Variants in PSMG2 observed in about 807,000 individuals in gnomAD.
The protein encoded by PSMG2 is CD40 ligand-activated specific transcript 3.
PSMG2 carries 21 observed loss-of-function variants against 31.5 expected under a neutral mutation model. That is an observed-to-expected ratio of 0.67 (90% CI 0.47 to 0.96). The LOEUF is 0.96. Ranked by LOEUF, PSMG2 falls within the 40% of genes least tolerant of loss-of-function variation. The pLI is 0.00. For missense variants in PSMG2, 318 were observed against 321.2 expected, an observed-to-expected ratio of 0.99 and a Z score of 0.08; for synonymous variants, 120 against 110.4, an observed-to-expected ratio of 1.09 and a Z score of -0.54.
intron 1 of PSMG2, among the ~76,000 whole-genome samples, chr18:12,661,024 C>G (rs543329854): frequency 2.6e-5 from 4 of 152,102 alleles, no homozygotes; most frequent in Non-Finnish European, 5.9e-5. Context: ...TTTTGATAAG[C>G]TGGCCAGGCA....
intron 2 of PSMG2, among the ~76,000 whole-genome samples, chr18:12,709,074 C>G (rs1437174194): frequency 7.0e-6 from 1 of 142,394 alleles, no homozygotes; most frequent in South Asian, 2.2e-4. Flanking sequence ...TTGAGACAGT[C>G]TCGCCCTGTT....
chr18:12,662,016 T>C, intron 1 of PSMG2: 1 of 262,154 alleles, frequency 3.8e-6, no homozygotes, highest in Non-Finnish European at 7.9e-6. Flanking sequence ...TTTTTTATAT[T>C]TACTTCTTAT....
intron 1 of PSMG2, chr18:12,678,999 G>A (rs1411614123): frequency 4.6e-5 from 7 of 152,002 alleles, no homozygotes; most frequent in African/African-American, 1.7e-4. Flanking sequence ...AAAATAATTT[G>A]GTTATGCATT....
intron 5 of PSMG2, among the ~76,000 whole-genome samples, chr18:12,721,921 G>A (rs569842376): frequency 2.0e-5 from 3 of 151,994 alleles, no homozygotes; most frequent in Non-Finnish European, 2.9e-5. Flanking sequence ...TTGACATGTC[G>A]TGTTTTCATT....
At chr18:12,668,732 TC>T (rs1368094031) in intron 1 of PSMG2, among the ~76,000 whole-genome samples, 3 of 138,028 alleles carry the variant, frequency 2.2e-5, no homozygotes, top group Non-Finnish European at 4.7e-5. Context: ...TACACTTTAT[TC>T]CTTTTTTTTT....
Position 12,725,424 on chromosome 18 carries a change from G to T in PSMG2, c.703-15G>T. ...TAAAGTTTAAAGATTAAAATATTTT[G>T]TTCTTCAATTACAGAGCGATGACCC... is the stretch of plus-strand genomic sequence containing the variant. On this transcript the variant is annotated splice_polypyrimidine_tract_variant and intron_variant, in intron 6 of 6. Transcript: ENST00000317615. 1 of 1,523,908 alleles carries T rather than the reference G, an allele frequency of 6.6e-7. No individual in the cohort carries two copies. The highest frequency in any genetic ancestry group is 1.2e-5 in the South Asian group (1 of 86,576). 94.4% of individuals were successfully genotyped at this position (1,523,908 alleles called of 1,614,324 possible).
At chr18:12,698,852 G>C, upstream of PSMG2, 1 of 674,942 alleles carries the variant, frequency 1.5e-6, no homozygotes, top group East Asian at 2.7e-5. Context: ...GAAAAGAGCA[G>C]TGGGAAACAA....
upstream of PSMG2, chr18:12,702,723 T>C (rs977581674): frequency 8.0e-5 from 54 of 677,200 alleles, no homozygotes; most frequent in Non-Finnish European, 1.1e-4. Context: ...GACCTGGAAA[T>C]GAGGCCCCGG....
intron 1 of PSMG2, among the ~76,000 whole-genome samples, chr18:12,667,373 G>A (rs2038823706): frequency 6.6e-6 from 1 of 151,068 alleles, no homozygotes; most frequent in South Asian, 2.1e-4. Context: ...CAGAGGATCC[G>A]TTGAGCCCAG....
At chr18:12,695,475 T>G (rs1452760818) in intron 1 of PSMG2, 5 of 475,988 alleles carry the variant, frequency 1.1e-5, no homozygotes, top group Non-Finnish European at 1.9e-5. Context: ...AAAGATAACA[T>G]TCAACATTAC....
intron 1 of PSMG2, among the ~76,000 whole-genome samples, chr18:12,706,101 G>T (rs1568039827): frequency 6.6e-6 from 1 of 152,228 alleles, no homozygotes; most frequent in East Asian, 1.9e-4. Context: ...TGTAGTTAAT[G>T]AAAATCAATA....
At chr18:12,699,773 ACAC>A (rs1555647983), upstream of PSMG2, 77 of 978,560 alleles carry the variant, frequency 7.9e-5, no homozygotes, top group East Asian at 1.9e-3. Flanking sequence ...ACGAAAGACT[ACAC>A]CACATCAATA....
chr18:12,699,635 T>C (rs1384017486), upstream of PSMG2, among the ~76,000 whole-genome samples: 1 of 152,184 alleles, frequency 6.6e-6, no homozygotes, highest in Non-Finnish European at 1.5e-5. Flanking sequence ...GTGATGCTGT[T>C]TTTGCTTCTA....
At chr18:12,702,409 T>G, upstream of PSMG2, 1 of 1,134,236 alleles carries the variant, frequency 8.8e-7, no homozygotes, top group Non-Finnish European at 1.3e-6. Context: ...GATGCCGCTG[T>G]CGGCCCGGGG....
chr18:12,702,476 C>T (rs112880883), upstream of PSMG2: 8 of 1,601,578 alleles, frequency 5.0e-6, no homozygotes, highest in African/African-American at 2.7e-5. Flanking sequence ...CCAGCACCCG[C>T]GACTCTCACC....
rs367819889 is a variant in PSMG2 at position 12,674,425 on chromosome 18, G to C, written c.-37+15652G>C. 326 of 749,742 alleles carry C rather than the reference G, an allele frequency of 4.3e-4. 1 individual carries two copies. In the African/African-American group the frequency reaches 5.1e-3, roughly 12 times the overall value. 46.4% of individuals were successfully genotyped at this position (749,742 alleles called of 1,614,324 possible). A position where few individuals can be genotyped will look rare whatever the true frequency, so the allele number is the denominator to read the frequency against. On this transcript the variant is annotated intron_variant, in intron 1 of 6. Transcript: ENST00000585331. ...CCACTGTACTCCAGCATGGGCAGCAGAGCAAGACCTTGAGTTAAAAAAAAA... is the reference window on the plus strand; with the variant it reads ...CCACTGTACTCCAGCATGGGCAGCACAGCAAGACCTTGAGTTAAAAAAAAA...
upstream of PSMG2, among the ~76,000 whole-genome samples, chr18:12,701,770 T>C (rs986626114): frequency 2.0e-5 from 3 of 152,194 alleles, no homozygotes; most frequent in East Asian, 5.8e-4. Context: ...CCATGACTTA[T>C]TTGAGAATTG....
chr18:12,672,302 G>C (rs929215023), intron 1 of PSMG2, among the ~76,000 whole-genome samples: 12 of 151,842 alleles, frequency 7.9e-5, no homozygotes, highest in Non-Finnish European at 1.3e-4. Flanking sequence ...TTTTAGTAGA[G>C]ACAGGGTTTC....
At chr18:12,719,968 G>A (rs2040415187) in intron 4 of PSMG2, among the ~76,000 whole-genome samples, 1 of 151,816 alleles carries the variant, frequency 6.6e-6, no homozygotes, top group Non-Finnish European at 1.5e-5. Context: ...TTGCCTGCCT[G>A]GGCCTCCCAA....
Sources: allele counts gnomAD v4.1 joint callset (sites outside exome capture counted in the v4.1 genomes callset), GRCh38; gene constraint gnomAD v4.1.1; transcripts MANE v1.5; gene names NCBI Gene and HGNC (gene_info 2026-07-23, HGNC 2026-07-21).